The following DNAH3 variants were observed in gnomAD, a reference collection of about 807,000 sequenced individuals.
DNAH3 encodes axonemal beta dynein heavy chain 3.
In DNAH3, 332 loss-of-function variants were observed where a neutral mutation model predicts 432.5. The ratio of observed to expected loss-of-function variants is 0.77; its 90% CI spans 0.70 to 0.84. DNAH3 has a LOEUF of 0.84. DNAH3 is among the 40% of genes least tolerant of loss of function. The probability of loss-of-function intolerance (pLI) is 0.00; values close to 1 mark genes in which losing one functional copy is unlikely to be tolerated. For synonymous variants in DNAH3, 1,956 were observed against 1,900.2 expected (o/e 1.03, Z -0.76); for missense variants, 4,861 against 5,114.0 (o/e 0.95, Z 1.51).
intron 59 of DNAH3, 83 bp downstream of exon 59, chr16:20,941,318 G>T: frequency 1.3e-6 from 2 of 1,556,104 alleles, no homozygotes; most frequent in Non-Finnish European, 8.7e-7. Flanking sequence ...CCTCTGCATA[G>T]CAACCCCTTC....
Position 20,957,214 on chromosome 16 carries a change from T to A in DNAH3, c.10826+1965A>T, listed in dbSNP as rs939848632. ...GTTGGATAGAGCAGGGGTTGACAAA[T>A]TTTTTTCTGTAAAGGACCAAATAGT... On this transcript the variant is annotated intron_variant, in intron 54 of 61. Coordinates refer to ENST00000261383, the Ensembl canonical transcript of DNAH3. Among the ~76,000 whole-genome samples the A allele has an allele frequency of 5.3e-5, 8 of 152,152 alleles. No individual in the cohort carries two copies. The South Asian group carries it at 6.2e-4, about 12-fold the overall frequency.
chr16:20,984,044 AAGAC>A (rs1419753675), intron 48 of DNAH3, among the ~76,000 whole-genome samples: 2 of 151,322 alleles, frequency 1.3e-5, no homozygotes, highest in Non-Finnish European at 2.9e-5. Flanking sequence ...AAAAAAAAAA[AAGAC>A]AGAAAGGGCG....
At position 20,936,636 on chromosome 16, in the gene DNAH3, G is replaced by A. The variant is rs2083599487; in HGVS notation, c.11859+13C>T. 2 of 1,579,734 alleles carry A rather than the reference G, an allele frequency of 1.3e-6. No homozygotes were observed. Among genetic ancestry groups the A allele is most frequent in the South Asian group, 1.1e-5 (1 of 87,054 alleles). ...GCATGCCAGGTTCCCGGTTACCCCT[G>A]ACTCCCAGGTACCTGGAAGAAGGTC... On this transcript the variant is annotated intron_variant, in intron 60 of 61. Coordinates refer to ENST00000261383, the Ensembl canonical transcript of DNAH3.
In DNAH3 at chr16:20,982,720, C is replaced by G; in HGVS notation, c.7859+1G>C. On this transcript the variant is annotated splice_donor_variant, in intron 49 of 61. Transcript: ENST00000261383. LOFTEE classifies it high-confidence loss of function. Reference sequence around the variant, plus strand: ...AGTCCTAAAATGCAATCAACACTTACTCTACCCGAATGTTGTCATCAAGCT... The same window carrying G: ...AGTCCTAAAATGCAATCAACACTTAGTCTACCCGAATGTTGTCATCAAGCT... 6.2e-7 allele frequency: 1 copy of G among 1,612,678 alleles called. No homozygotes were observed. Among genetic ancestry groups the G allele is most frequent in the Non-Finnish European group, 8.5e-7 (1 of 1,179,034 alleles).
intron 7 of DNAH3, among the ~76,000 whole-genome samples, chr16:21,131,527 A>AGGAT (rs1943663137): frequency 6.6e-6 from 1 of 151,264 alleles, no homozygotes; most frequent in Non-Finnish European, 1.5e-5. Context: ...GAAGGAAGGA[A>AGGAT]GGAAAGAAAG....
intron 7 of DNAH3, among the ~76,000 whole-genome samples, chr16:21,128,330 C>G (rs2092482388): frequency 6.6e-6 from 1 of 151,868 alleles, no homozygotes; most frequent in Non-Finnish European, 1.5e-5. Flanking sequence ...GAGAGGATGG[C>G]TTTGAGCTCA....
intron 24 of DNAH3, 98 bp downstream of exon 24, chr16:21,067,185 A>G: frequency 7.6e-7 from 1 of 1,311,200 alleles, no homozygotes; most frequent in Admixed American, 1.7e-5. Context: ...AAGAGTATGG[A>G]CTAGATTGGT....
intron 21 of DNAH3, among the ~76,000 whole-genome samples, chr16:21,072,650 A>T (rs1173888847): frequency 4.0e-5 from 6 of 150,444 alleles, no homozygotes; most frequent in Non-Finnish European, 8.9e-5. Context: ...TTATACATTT[A>T]TTGGGTCTTT....
chr16:21,048,188 C>T (rs112619532), intron 31 of DNAH3, among the ~76,000 whole-genome samples: 3 of 152,256 alleles, frequency 2.0e-5, no homozygotes, highest in African/African-American at 7.2e-5. Context: ...CCTCCTTGAG[C>T]TGTGGTGGGC....
chr16:20,958,471 T>A (rs561645382), intron 54 of DNAH3, among the ~76,000 whole-genome samples: 1 of 152,170 alleles, frequency 6.6e-6, no homozygotes, highest in Non-Finnish European at 1.5e-5. Context: ...CTCCAACAAC[T>A]TTTCATGGCA....
intron 7 of DNAH3, chr16:21,129,386 A>C (rs16970942): frequency 0.28 from 42,849 of 151,994 alleles, 6,166 homozygotes; most frequent in African/African-American, 0.33. Flanking sequence ...GTTGTGCAGG[A>C]TCTGCCCCTT....
chr16:21,062,795 T>G, intron 24 of DNAH3, 112 bp from the exon 25 acceptor site: 1 of 769,860 alleles, frequency 1.3e-6, no homozygotes. Context: ...AGTTATGTCT[T>G]GCGGTCTTCA....
intron 49 of DNAH3, among the ~76,000 whole-genome samples, chr16:20,980,434 A>G (rs1299480238): frequency 6.7e-6 from 1 of 150,106 alleles, no homozygotes; most frequent in Non-Finnish European, 1.5e-5. Context: ...GTGCAGTGGC[A>G]CAATCATGGC....
At chr16:21,049,444 T>G (rs774748826) in intron 31 of DNAH3, 125 bp downstream of exon 31, 11 of 689,740 alleles carry the variant, frequency 1.6e-5, no homozygotes, top group Non-Finnish European at 2.7e-5. Context: ...ACTGAGTACC[T>G]GCTTTGGAGG....
At chr16:20,936,553 T>C (rs1596853535) in intron 60 of DNAH3, 96 bp downstream of exon 60, 3 of 1,107,302 alleles carry the variant, frequency 2.7e-6, no homozygotes, top group South Asian at 3.0e-5. Context: ...TGTGGCTGCC[T>C]GCCCTCCTCC....
intron 5 of DNAH3, 27 bp downstream of exon 6, chr16:21,140,509 G>A (rs769646792): frequency 5.6e-6 from 9 of 1,605,052 alleles, no homozygotes; most frequent in Admixed American, 3.4e-5. Context: ...TCAGCAAACC[G>A]AGGGAAAGGG....
chr16:21,039,476 C>A (rs2089329189), intron 33 of DNAH3, among the ~76,000 whole-genome samples: 1 of 151,966 alleles, frequency 6.6e-6, no homozygotes, highest in Non-Finnish European at 1.5e-5. Flanking sequence ...GCCTTGCCTG[C>A]CAAAGTGCTG....
chr16:21,150,263 A>T (rs1338565854), intron 1 of DNAH3, 27 bp downstream of exon 2: 1 of 443,952 alleles, frequency 2.3e-6, no homozygotes, highest in Admixed American at 2.6e-5. Context: ...CAGGTAAAAC[A>T]AGAAACGTCT....
intron 21 of DNAH3, among the ~76,000 whole-genome samples, chr16:21,074,209 G>A (rs2090895610): frequency 6.6e-6 from 1 of 152,286 alleles, no homozygotes; most frequent in African/African-American, 2.4e-5. Context: ...AGGGAAAGAA[G>A]TCACAAGTAG....
Sources: allele counts gnomAD v4.1 joint callset (sites outside exome capture counted in the v4.1 genomes callset), GRCh38; gene constraint gnomAD v4.1.1; transcripts MANE v1.5; gene names NCBI Gene and HGNC (gene_info 2026-07-23, HGNC 2026-07-21).